Variants in MCUB observed in about 807,000 individuals in gnomAD.
MCUB encodes mitochondrial calcium uniporter dominant negative subunit beta, also known as calcium uniporter regulatory subunit MCUb, mitochondrial.
A neutral mutation model predicts 41.4 loss-of-function variants in MCUB; 46 were observed. The ratio of observed to expected loss-of-function variants is 1.11; its 90% confidence interval spans 0.88 to 1.42. The LOEUF is 1.42. Among genes scored for constraint, MCUB ranks in the 40% most tolerant of loss-of-function variants. MCUB has a pLI of 0.00. For missense variants in MCUB, 403 were observed against 404.9 expected, an observed-to-expected ratio of 1.00 and a Z score of 0.04; for synonymous variants, 148 against 148.2, an observed-to-expected ratio of 1.00 and a Z score of 0.01.
chr4:109,571,949 A>C (rs1726925298), intron 1 of MCUB, among the ~76,000 whole-genome samples: 1 of 152,256 alleles, frequency 6.6e-6, no homozygotes, highest in South Asian at 2.1e-4. Context: ...CTGTGGGAAG[A>C]GGAAGAATGG....
At chr4:109,653,877 AG>A (rs1446218748) in intron 1 of MCUB, among the ~76,000 whole-genome samples, 71 of 152,212 alleles carry the variant, frequency 4.7e-4, no homozygotes, top group Admixed American at 4.6e-3. Flanking sequence ...GCCCAGCCTA[AG>A]ATGGGCTTTT....
chr4:109,619,812 T>C (rs771345743), intron 1 of MCUB, among the ~76,000 whole-genome samples: 6 of 152,190 alleles, frequency 3.9e-5, no homozygotes, highest in East Asian at 1.9e-4. Context: ...ATAATAGTTA[T>C]AGTAAAGTGA....
intron 3 of MCUB, among the ~76,000 whole-genome samples, chr4:109,662,890 G>C (rs951503069): frequency 6.6e-6 from 1 of 152,074 alleles, no homozygotes; most frequent in Admixed American, 6.6e-5. Flanking sequence ...TGAAAAGAGT[G>C]TTCTAAGCTT....
chr4:109,609,139 C>T (rs1234746848), intron 1 of MCUB, among the ~76,000 whole-genome samples: 1 of 152,082 alleles, frequency 6.6e-6, no homozygotes, highest in Admixed American at 6.5e-5. Context: ...GGGAAGGGCT[C>T]CCAATCCAGA....
chr4:109,688,673 CA>C lies in MCUB; in HGVS notation c.*1086del, dbSNP rs911960376. The C allele has an allele frequency of 6.6e-6, 1 of 152,052 alleles. No homozygotes were observed. The highest frequency in any genetic ancestry group is 2.4e-5 in the African/African-American group (1 of 41,404). The allele number at this position is 152,052 out of a possible 1,614,324, so 9.4% of individuals were successfully genotyped here. A position where few individuals can be genotyped will look rare whatever the true frequency, so the allele number is the denominator to read the frequency against. On this transcript the variant is annotated 3_prime_UTR_variant, in exon 8 of 8. Coordinates refer to ENST00000394650, the MANE Select transcript of MCUB (RefSeq NM_017918.5). ...AAGGGATGATTTAATTCCTGGATTT[CA>C]AAAACCTTTAAAAACATCAAACAAT... is the stretch of plus-strand genomic sequence containing the variant.
Position 109,678,869 on chromosome 4 carries a change from G to A in MCUB, c.452-3713G>A, listed in dbSNP as rs192257125. Among the ~76,000 whole-genome samples the A allele has an allele frequency of 7.4e-3, 955 of 129,220 alleles. 8 individuals are homozygous for A. The highest frequency in any genetic ancestry group is 0.026 in the African/African-American group (891 of 33,888). The allele number at this position is 129,220 out of a possible 152,430, so 84.8% of individuals were successfully genotyped here. On this transcript the variant is annotated intron_variant, in intron 4 of 7. Coordinates refer to ENST00000394650, the MANE Select transcript of MCUB (RefSeq NM_017918.5). ...TCACTTCCTCCCAGATGGGGCGGCC[G>A]GGCAGAGACACTCCCCACTTCCCAG...
At chr4:109,604,002 A>C (rs1280251311) in intron 1 of MCUB, among the ~76,000 whole-genome samples, 1 of 152,200 alleles carries the variant, frequency 6.6e-6, no homozygotes, top group Non-Finnish European at 1.5e-5. Context: ...CTGTGTAGAA[A>C]GAAGTAGACA....
chr4:109,677,493 T>C (rs956341391), intron 4 of MCUB, among the ~76,000 whole-genome samples: 1 of 152,220 alleles, frequency 6.6e-6, no homozygotes, highest in Non-Finnish European at 1.5e-5. Flanking sequence ...GGTTTGAATG[T>C]GTCCCTCAAA....
In MCUB at chr4:109,586,044, G is replaced by A. The variant is rs184233780; in HGVS notation, c.99+25608G>A. Among the ~76,000 whole-genome samples, 204 of 152,182 alleles carry A rather than the reference G, an allele frequency of 1.3e-3. No homozygotes were observed. In the East Asian group the frequency reaches 0.031, roughly 23 times the overall value. On this transcript the variant is annotated intron_variant, in intron 1 of 7. Transcript: ENST00000394650. ...GGATAATATCCTAAAGAGTGTTTTCGTTTTCCAACTTGGTTCCATTCTCCC... is the reference window on the plus strand; with the variant it reads ...GGATAATATCCTAAAGAGTGTTTTCATTTTCCAACTTGGTTCCATTCTCCC...
At chr4:109,599,332 T>G (rs1727672122) in intron 1 of MCUB, among the ~76,000 whole-genome samples, 1 of 151,992 alleles carries the variant, frequency 6.6e-6, no homozygotes, top group Non-Finnish European at 1.5e-5. Context: ...GCTGTGTGTC[T>G]TATGCGATTG....
chr4:109,588,592 AC>A (rs1727361785), intron 1 of MCUB, among the ~76,000 whole-genome samples: 1 of 152,034 alleles, frequency 6.6e-6, no homozygotes, highest in African/African-American at 2.4e-5. Context: ...TGCCACTCTC[AC>A]CCCCACCAAA....
intron 1 of MCUB, among the ~76,000 whole-genome samples, chr4:109,599,792 C>T (rs565670849): frequency 9.9e-5 from 15 of 152,230 alleles, no homozygotes; most frequent in African/African-American, 3.6e-4. Context: ...CCTCAGCCTC[C>T]CAAGTAGCTG....
At chr4:109,640,154 G>A (rs1239870824) in intron 1 of MCUB, among the ~76,000 whole-genome samples, 1 of 152,252 alleles carries the variant, frequency 6.6e-6, no homozygotes, top group Non-Finnish European at 1.5e-5. Context: ...ATATTACAAA[G>A]TACCTTCTTA....
intron 1 of MCUB, among the ~76,000 whole-genome samples, chr4:109,612,639 T>G (rs1325725455): frequency 6.6e-6 from 1 of 152,114 alleles, no homozygotes; most frequent in Non-Finnish European, 1.5e-5. Context: ...TAATTATCTT[T>G]CAAAGGCTCA....
chr4:109,645,239 G>A (rs922788645), intron 1 of MCUB, among the ~76,000 whole-genome samples: 3 of 152,058 alleles, frequency 2.0e-5, no homozygotes, highest in Admixed American at 2.0e-4. Context: ...AAAATCAACT[G>A]GTAGAGGTTG....
chr4:109,634,273 G>A lies in MCUB; in HGVS notation c.100-24738G>A, dbSNP rs149135576. Among the ~76,000 whole-genome samples, 1,088 of 151,818 alleles carry A rather than the reference G, an allele frequency of 7.2e-3. 7 individuals carry two copies. The highest frequency in any genetic ancestry group is 0.025 in the African/African-American group (1,044 of 41,382). On this transcript the variant is annotated intron_variant, in intron 1 of 7. Transcript: ENST00000394650. ...CGAGGTGGGTGGATCATCTGAGGTCGGGAGTTCGAGACCAGCCTGACTAAC... is the reference window on the plus strand; with the variant it reads ...CGAGGTGGGTGGATCATCTGAGGTCAGGAGTTCGAGACCAGCCTGACTAAC...
intron 1 of MCUB, among the ~76,000 whole-genome samples, chr4:109,586,384 C>T (rs549705830): frequency 2.0e-5 from 3 of 152,130 alleles, no homozygotes; most frequent in Non-Finnish European, 4.4e-5. Context: ...AGCTTCCTTG[C>T]GATGGGTTCG....
intron 1 of MCUB, among the ~76,000 whole-genome samples, chr4:109,625,635 C>T (rs112011594): frequency 6.6e-6 from 1 of 152,132 alleles, no homozygotes. Flanking sequence ...TTGGAATGAA[C>T]TCATCATAAG....
chr4:109,584,885 T>A (rs1393436087), intron 1 of MCUB, among the ~76,000 whole-genome samples: 2 of 152,200 alleles, frequency 1.3e-5, no homozygotes, highest in Non-Finnish European at 2.9e-5. Context: ...ATGGTCAATT[T>A]TGGAGTAAGT....
Sources: allele counts gnomAD v4.1 joint callset (sites outside exome capture counted in the v4.1 genomes callset), GRCh38; gene constraint gnomAD v4.1.1; transcripts MANE v1.5; gene names NCBI Gene and HGNC (gene_info 2026-07-23, HGNC 2026-07-21).